UBAC2: variants seen among roughly 807,000 people sequenced by gnomAD.
UBAC2 encodes the protein ubiquitin-associated domain-containing protein 2.
UBAC2 carries 26 observed loss-of-function variants against 44.0 expected under a neutral mutation model. That is an observed-to-expected ratio of 0.59 (90% CI 0.43 to 0.82). UBAC2 has a LOEUF of 0.82. Among genes scored for constraint, UBAC2 ranks in the 40% least tolerant of loss-of-function variants. UBAC2 has a pLI of 0.00. For missense variants in UBAC2, 329 were observed against 419.4 expected, an observed-to-expected ratio of 0.78 and a Z score of 1.88; for synonymous variants, 155 against 154.3, an observed-to-expected ratio of 1.00 and a Z score of -0.04.
intron 2 of UBAC2, among the ~76,000 whole-genome samples, chr13:99,242,632 G>A (rs2043323401): frequency 1.8e-5 from 2 of 111,334 alleles, no homozygotes; most frequent in African/African-American, 3.4e-5. Flanking sequence ...CAGGCGGGGG[G>A]CTGACCCCCC....
chr13:99,375,801 C>CTTT lies in UBAC2; in HGVS notation c.927+7913_927+7915dup, dbSNP rs34318354. 1.2e-3 allele frequency among the ~76,000 whole-genome samples: 128 copies of CTTT among 110,894 alleles called. 3 individuals carry two copies. Among genetic ancestry groups the CTTT allele is most frequent in the South Asian group, 4.3e-3 (14 of 3,252 alleles). 72.8% of individuals were successfully genotyped at this position (110,894 alleles called of 152,430 possible). Reference sequence around the variant, plus strand: ...TTTTCTTTTCTCTTTTCCTTTTTCCCTTTTTTTTTTTTTTTTTTTTGAGAC... The same window carrying CTTT: ...TTTTCTTTTCTCTTTTCCTTTTTCCCTTTTTTTTTTTTTTTTTTTTTTTGAGAC... On this transcript the variant is annotated intron_variant, in intron 8 of 8. Coordinates refer to ENST00000403766, the MANE Select transcript of UBAC2 (RefSeq NM_001144072.2).
intron 3 of UBAC2, 144 bp from the exon 4 acceptor site, chr13:99,244,371 A>ATATACACACATCTGCATGTGTG: frequency 2.0e-6 from 1 of 496,432 alleles, no homozygotes; most frequent in Non-Finnish European, 3.5e-6. Context: ...AATTTCAAAT[A>ATATACACACATCTGCATGTGTG]TATATACACA....
chr13:99,231,117 A>C (rs1345108890), intron 1 of UBAC2, among the ~76,000 whole-genome samples: 1 of 152,174 alleles, frequency 6.6e-6, no homozygotes, highest in Non-Finnish European at 1.5e-5. Context: ...TCTCAAGGAC[A>C]TCTGATTAGC....
At chr13:99,255,117 G>A (rs757646007) in intron 4 of UBAC2, 31 of 1,614,008 alleles carry the variant, frequency 1.9e-5, no homozygotes, top group Middle Eastern at 1.6e-4. Context: ...TCAGGAAAGC[G>A]AAACAGATGT....
intron 4 of UBAC2, among the ~76,000 whole-genome samples, chr13:99,286,774 C>T (rs2044024035): frequency 6.6e-6 from 1 of 152,124 alleles, no homozygotes; most frequent in African/African-American, 2.4e-5. Context: ...TTGCTGTTGC[C>T]ACGTTATTCT....
At chr13:99,206,934 T>C (rs1274455325) in intron 1 of UBAC2, among the ~76,000 whole-genome samples, 1 of 152,262 alleles carries the variant, frequency 6.6e-6, no homozygotes, top group Non-Finnish European at 1.5e-5. Flanking sequence ...CACTCAGCTT[T>C]GTTCCTTTCC....
At chr13:99,234,891 A>G (rs903123948) in intron 1 of UBAC2, among the ~76,000 whole-genome samples, 5 of 152,210 alleles carry the variant, frequency 3.3e-5, no homozygotes, top group African/African-American at 9.6e-5. Context: ...ATTTTGTTCT[A>G]TTGGGAAAAA....
intron 6 of UBAC2, among the ~76,000 whole-genome samples, chr13:99,334,840 A>G (rs2044763864): frequency 6.6e-6 from 1 of 152,218 alleles, no homozygotes; most frequent in Non-Finnish European, 1.5e-5. Context: ...AGATTGTCAG[A>G]CTAATTTAAA....
In UBAC2 at chr13:99,345,033, A is replaced by C. The variant is rs539589473; in HGVS notation, c.807+4468A>C. Among the ~76,000 whole-genome samples, 4 of 152,330 alleles carry C rather than the reference A, an allele frequency of 2.6e-5. No individual in the cohort carries two copies. In the East Asian group the frequency reaches 7.7e-4, roughly 29 times the overall value. ...TGGTGTGGACTGATGCTGCCAAAAA[A>C]GATTTCAGGAAGTAGAAGGACGGGT... On this transcript the variant is annotated intron_variant, in intron 7 of 8. Transcript: ENST00000403766.
intron 4 of UBAC2, among the ~76,000 whole-genome samples, chr13:99,269,846 G>C (rs1483646932): frequency 1.3e-5 from 2 of 152,166 alleles, no homozygotes; most frequent in African/African-American, 4.8e-5. Flanking sequence ...CATAGAACTT[G>C]ATAAAAGCTT....
chr13:99,275,196 C>T, intron 4 of UBAC2, among the ~76,000 whole-genome samples: 1 of 152,150 alleles, frequency 6.6e-6, no homozygotes, highest in Non-Finnish European at 1.5e-5. Context: ...GGCCTAGAGT[C>T]TCTCATGTGG....
At chr13:99,352,817 G>A (rs559962046) in intron 7 of UBAC2, among the ~76,000 whole-genome samples, 1 of 152,188 alleles carries the variant, frequency 6.6e-6, no homozygotes, top group Non-Finnish European at 1.5e-5. Context: ...AATGTGTAGT[G>A]CAGTCAGGAA....
At chr13:99,353,742 A>G (rs1481486137) in intron 7 of UBAC2, among the ~76,000 whole-genome samples, 2 of 152,010 alleles carry the variant, frequency 1.3e-5, no homozygotes, top group African/African-American at 4.8e-5. Flanking sequence ...AAAAAAAGCC[A>G]TCCTGATGGG....
intron 7 of UBAC2, among the ~76,000 whole-genome samples, chr13:99,341,295 C>G (rs527565408): frequency 2.0e-5 from 3 of 152,280 alleles, no homozygotes; most frequent in African/African-American, 7.2e-5. Context: ...TGCCATCTCT[C>G]TGTCTTCCAC....
intron 1 of UBAC2, among the ~76,000 whole-genome samples, chr13:99,237,463 G>C (rs2043250786): frequency 6.6e-6 from 1 of 152,122 alleles, no homozygotes; most frequent in South Asian, 2.1e-4. Context: ...GAGTAGGTTG[G>C]TGGTTATCAG....
intron 6 of UBAC2, among the ~76,000 whole-genome samples, chr13:99,329,229 C>G (rs1784022670): frequency 6.6e-6 from 1 of 152,134 alleles, no homozygotes; most frequent in South Asian, 2.1e-4. Context: ...CAATATAAGT[C>G]CTCCCACCTT....
At chr13:99,352,619 G>A (rs72649595) in intron 7 of UBAC2, among the ~76,000 whole-genome samples, 3,050 of 149,874 alleles carry the variant, frequency 0.02, 57 homozygotes, top group Non-Finnish European at 0.032. Flanking sequence ...GCTTCCTTAG[G>A]AAGCTTCCTG....
intron 8 of UBAC2, among the ~76,000 whole-genome samples, chr13:99,378,604 C>T (rs948144504): frequency 6.6e-6 from 1 of 152,158 alleles, no homozygotes; most frequent in Non-Finnish European, 1.5e-5. Context: ...TATTTTTTAC[C>T]TGTTAGGAGG....
chr13:99,263,833 A>G (rs1451094471), intron 4 of UBAC2, among the ~76,000 whole-genome samples: 1 of 152,240 alleles, frequency 6.6e-6, no homozygotes. Flanking sequence ...GGCAGATAGA[A>G]CAACATGGAT....
Sources: allele counts gnomAD v4.1 joint callset (sites outside exome capture counted in the v4.1 genomes callset), GRCh38; gene constraint gnomAD v4.1.1; transcripts MANE v1.5; gene names NCBI Gene and HGNC (gene_info 2026-07-23, HGNC 2026-07-21).